Variants in ANO1 observed in about 807,000 individuals in gnomAD.
ANO1 encodes the protein anoctamin 1.
A neutral mutation model predicts 124.0 loss-of-function variants in ANO1; 59 were observed. That is an observed-to-expected ratio of 0.48 (90% CI 0.39 to 0.59). The LOEUF (loss-of-function observed/expected upper bound fraction) is 0.59, where lower values mean the gene tolerates loss of function less well. Ranked by LOEUF, ANO1 falls within the 20% of genes least tolerant of loss-of-function variation. ANO1 has a pLI of 0.00. For missense variants in ANO1, 1,059 were observed against 1,328.0 expected (o/e 0.80, Z 3.15); for synonymous variants, 529 against 532.0 (o/e 0.99, Z 0.08).
the ANO1 span, among the ~76,000 whole-genome samples, chr11:69,972,331 T>G: frequency 9.2e-5 from 14 of 152,022 alleles, no homozygotes; most frequent in Admixed American, 2.6e-4. Context: ...AGACTGTCTT[T>G]GAAATGAGTG....
intron 1 of ANO1, among the ~76,000 whole-genome samples, chr11:69,998,691 G>T (rs782174067): frequency 1.3e-5 from 2 of 152,180 alleles, no homozygotes; most frequent in South Asian, 2.1e-4. Flanking sequence ...GCTCACACCT[G>T]CAATCTCAGC....
At chr11:70,105,958 G>C (rs141956328) in intron 5 of ANO1, among the ~76,000 whole-genome samples, 170 bp downstream of exon 5, 1 of 152,144 alleles carries the variant, frequency 6.6e-6, no homozygotes, top group Non-Finnish European at 1.5e-5. Flanking sequence ...CCAGGGGATG[G>C]TCGTGCCCCA....
intron 10 of ANO1, among the ~76,000 whole-genome samples, chr11:70,128,310 A>C (rs1321059162): frequency 6.6e-6 from 1 of 152,208 alleles, no homozygotes; most frequent in Admixed American, 6.5e-5. Context: ...GGTAAAGATC[A>C]AGGTAGTCCA....
chr11:70,106,222 A>G (rs1590746784), intron 5 of ANO1, among the ~76,000 whole-genome samples: 1 of 152,264 alleles, frequency 6.6e-6, no homozygotes, highest in Middle Eastern at 3.4e-3. Flanking sequence ...ATCTCTTTCC[A>G]GGCCTTTGCC....
intron 11 of ANO1, among the ~76,000 whole-genome samples, chr11:70,143,711 G>T (rs1485001170): frequency 6.6e-6 from 1 of 152,188 alleles, no homozygotes; most frequent in East Asian, 1.9e-4. Flanking sequence ...CCCGCCACAG[G>T]TAACCACACA....
At chr11:69,993,839 C>T (rs1554997947) in intron 1 of ANO1, among the ~76,000 whole-genome samples, 1 of 152,254 alleles carries the variant, frequency 6.6e-6, no homozygotes, top group African/African-American at 2.4e-5. Flanking sequence ...CCCTCTCCAT[C>T]TGGCCTCACT....
chr11:70,006,663 C>CTTTTTTTTTTTTTTTTTTTTTTTTT (rs56851839), intron 1 of ANO1, among the ~76,000 whole-genome samples: 1 of 88,998 alleles, frequency 1.1e-5, no homozygotes, highest in Non-Finnish European at 2.1e-5. Context: ...TTTCTTCTTT[C>CTTTTTTTTTTTTTTTTTTTTTTTTT]TTTTTTTTTT....
At chr11:70,130,692 A>C (rs1053644392) in intron 10 of ANO1, among the ~76,000 whole-genome samples, 1 of 152,228 alleles carries the variant, frequency 6.6e-6, no homozygotes, top group South Asian at 2.1e-4. Context: ...TGGCCACAGT[A>C]GTTGGGATCT....
chr11:70,089,040 C>T (rs1291347552), intron 2 of ANO1, among the ~76,000 whole-genome samples: 1 of 152,188 alleles, frequency 6.6e-6, no homozygotes, highest in Non-Finnish European at 1.5e-5. Context: ...CCTAGCACAG[C>T]GGTGCTTCCT....
intron 11 of ANO1, 23 bp from the exon 12 acceptor site, chr11:70,149,685 ACT>A (rs2047521687): frequency 1.9e-6 from 3 of 1,607,792 alleles, no homozygotes; most frequent in Admixed American, 3.4e-5. Flanking sequence ...GTCATCAGAG[ACT>A]CTGGTTTTGC....
chr11:70,125,528 A>G (rs568150007), intron 9 of ANO1, among the ~76,000 whole-genome samples: 9 of 150,052 alleles, frequency 6.0e-5, no homozygotes, highest in South Asian at 2.1e-4. Flanking sequence ...AAAAAAAAAA[A>G]AAAGAAAGAA....
At position 70,095,742 on chromosome 11, in the gene ANO1, G is replaced by A. The variant is rs191499085; in HGVS notation, c.442-7324G>A. 4.1e-3 allele frequency among the ~76,000 whole-genome samples: 620 copies of A among 152,226 alleles called. 4 individuals are homozygous for A. The highest frequency in any genetic ancestry group is 0.013 in the African/African-American group (536 of 41,532). Reference sequence around the variant, plus strand: ...GCAAATCAGGGCTTCCCTCGCCCCCGCAGGAGCCCCTCACCCCCGCCGGAG... The same window carrying A: ...GCAAATCAGGGCTTCCCTCGCCCCCACAGGAGCCCCTCACCCCCGCCGGAG... On this transcript the variant is annotated intron_variant, in intron 2 of 25. Transcript: ENST00000355303.
chr11:70,094,460 A>G (rs2044762045), intron 2 of ANO1, among the ~76,000 whole-genome samples: 1 of 152,192 alleles, frequency 6.6e-6, no homozygotes, highest in East Asian at 1.9e-4. Flanking sequence ...GGGGCCTGGA[A>G]TTTGAGGAGT....
upstream of ANO1, chr11:70,075,373 C>T (rs145169140): frequency 1.3e-5 from 2 of 152,072 alleles, no homozygotes; most frequent in African/African-American, 4.8e-5. Flanking sequence ...GTGCTCGCTT[C>T]GGCAGCACGT....
At chr11:70,149,882 G>A (rs2047532315) in intron 12 of ANO1, 90 bp downstream of exon 12, 1 of 1,437,120 alleles carries the variant, frequency 7.0e-7, no homozygotes, top group South Asian at 1.2e-5. Flanking sequence ...GAGGCCCGAG[G>A]TCAGAAAGCA....
intron 8 of ANO1, among the ~76,000 whole-genome samples, chr11:70,122,343 G>T (rs2046325377): frequency 1.1e-5 from 1 of 88,074 alleles, no homozygotes; most frequent in Non-Finnish European, 2.2e-5. Context: ...CTCTCCATCT[G>T]CCTCTGTCTC....
At chr11:70,076,951 A>AGAGGCTCTGAGGGCCAG (rs1555010197), upstream of ANO1, among the ~76,000 whole-genome samples, 9,433 of 150,828 alleles carry the variant, frequency 0.063, 318 homozygotes, top group Middle Eastern at 0.13. Flanking sequence ...ATGAGAAGGC[A>AGAGGCTCTGAGGGCCAG]GAGGCTCTGA....
At chr11:69,976,094 T>C in the ANO1 span, among the ~76,000 whole-genome samples, 1 of 152,190 alleles carries the variant, frequency 6.6e-6, no homozygotes, top group South Asian at 2.1e-4. Flanking sequence ...AAATGGTCCT[T>C]TTAATAAATC....
intron 1 of ANO1, among the ~76,000 whole-genome samples, chr11:70,085,065 C>A (rs944384506): frequency 2.0e-5 from 3 of 152,074 alleles, no homozygotes; most frequent in East Asian, 1.9e-4. Context: ...GCACCTTGGG[C>A]GTGCAGATGG....
Sources: gnomAD v4.1 joint callset for allele counts (sites outside exome capture counted in the v4.1 genomes callset) on GRCh38, gnomAD v4.1.1 for gene constraint, MANE v1.5 for transcripts, NCBI Gene and HGNC (gene_info 2026-07-23, HGNC 2026-07-21) for gene names.